The following DMD variants were observed in gnomAD, a reference collection of about 807,000 sequenced individuals.
The protein encoded by DMD is mutant dystrophin.
In DMD, 63 loss-of-function variants were observed where a neutral mutation model predicts 330.1. That is an observed-to-expected ratio of 0.19 (90% CI 0.16 to 0.24). The LOEUF (loss-of-function observed/expected upper bound fraction) is 0.24. DMD is among the 10% of genes least tolerant of loss of function. The pLI, the probability that DMD is intolerant of heterozygous loss-of-function variation, is 1.00. For missense variants in DMD, 3,344 were observed against 2,684.1 expected (o/e 1.25, Z -5.43); for synonymous variants, 1,223 against 959.8 (o/e 1.27, Z -5.07).
At chrX:31,556,304 T>C (rs1469379137) in intron 55 of DMD, among the ~76,000 whole-genome samples, 1 of 100,254 alleles carries the variant, frequency 1.0e-5, no homozygotes, top group Non-Finnish European at 2.0e-5. Context: ...GAGGTGGAGC[T>C]TGCAGTGAGC....
intron 55 of DMD, among the ~76,000 whole-genome samples, chrX:31,522,937 T>C (rs758137860): frequency 1.8e-5 from 2 of 111,682 alleles, no homozygotes; most frequent in East Asian, 5.7e-4. Context: ...CAGGCGTCTG[T>C]GTTCTTTGTG....
At position 32,232,371 on chromosome X, in the gene DMD, G is replaced by A. The variant is rs190490762; in HGVS notation, c.6291-15308C>T. Among the ~76,000 whole-genome samples the A allele has an allele frequency of 1.8e-3, 199 of 111,299 alleles. 1 individual carries two copies. The highest frequency in any genetic ancestry group is 9.2e-3 in the Middle Eastern group (2 of 217). Reference sequence around the variant, plus strand: ...CCCTTATTAGGAGTATGGCTGTAAGGCTAATTTTAGTTTGAATCTACTGAC... The same window carrying A: ...CCCTTATTAGGAGTATGGCTGTAAGACTAATTTTAGTTTGAATCTACTGAC... On this transcript the variant is annotated intron_variant, in intron 43 of 78. Transcript: ENST00000357033.
At chrX:32,483,173 TTTAA>T (rs1445278660) in intron 21 of DMD, among the ~76,000 whole-genome samples, 1 of 37,802 alleles carries the variant, frequency 2.6e-5, no homozygotes, top group East Asian at 1.1e-3. Flanking sequence ...ATACACCATA[TTTAA>T]TTAAAGGGTT....
chrX:32,594,113 TATC>T (rs747670500), intron 13 of DMD, among the ~76,000 whole-genome samples: 1 of 112,742 alleles, frequency 8.9e-6, no homozygotes, highest in Non-Finnish European at 1.9e-5. Flanking sequence ...AATCCTAAAA[TATC>T]ATCATAATAG....
intron 44 of DMD, among the ~76,000 whole-genome samples, chrX:32,106,491 T>C (rs950628962): frequency 1.8e-5 from 2 of 111,873 alleles, no homozygotes; most frequent in Admixed American, 9.5e-5. Context: ...TATGAAACAC[T>C]AGGATGAGCT....
chrX:32,556,998 C>G (rs1440189689), intron 16 of DMD, among the ~76,000 whole-genome samples: 1 of 111,622 alleles, frequency 9.0e-6, no homozygotes, highest in Non-Finnish European at 1.9e-5. Flanking sequence ...CCAGGCATTA[C>G]AATAAGTGTT....
intron 55 of DMD, among the ~76,000 whole-genome samples, chrX:31,586,042 T>C (rs2076588852): frequency 9.0e-6 from 1 of 111,609 alleles, no homozygotes. Flanking sequence ...CTACCCTATC[T>C]GTAACTGAAT....
chrX:31,388,867 A>G (rs2060575496), intron 60 of DMD, among the ~76,000 whole-genome samples: 1 of 112,392 alleles, frequency 8.9e-6, no homozygotes, highest in South Asian at 3.6e-4. Context: ...ACGCCACTGC[A>G]CTCCAGCCTG....
At chrX:32,442,736 AG>A (rs1324046669) in intron 27 of DMD, among the ~76,000 whole-genome samples, 1 of 110,989 alleles carries the variant, frequency 9.0e-6, no homozygotes, top group Non-Finnish European at 1.9e-5. Context: ...ATCAAAAAAA[AG>A]GAAATAATGT....
chrX:31,712,917 T>C (rs1226950096), intron 52 of DMD, among the ~76,000 whole-genome samples: 1 of 111,245 alleles, frequency 9.0e-6, no homozygotes, highest in Non-Finnish European at 1.9e-5. Flanking sequence ...TAATCAATAC[T>C]TCAATCTGAA....
intron 44 of DMD, among the ~76,000 whole-genome samples, chrX:32,114,774 T>C (rs1354069400): frequency 8.9e-6 from 1 of 112,504 alleles, no homozygotes; most frequent in African/African-American, 3.2e-5. Context: ...TAGCAATGGA[T>C]ACAACATAGT....
intron 9 of DMD, among the ~76,000 whole-genome samples, chrX:32,690,846 C>G (rs188144399): frequency 6.4e-4 from 71 of 111,221 alleles, no homozygotes; most frequent in South Asian, 2.2e-3. Flanking sequence ...CAACTCCAAA[C>G]GGATAAAATA....
In DMD at chrX:31,929,595, C is replaced by A. The variant is rs746082869; in HGVS notation, c.6912+1G>T. 1 of 1,210,642 alleles carries A rather than the reference C, an allele frequency of 8.3e-7. No individual in the cohort carries two copies. The highest frequency in any genetic ancestry group is 1.1e-6 in the Non-Finnish European group (1 of 894,996). ...GACGGAAGAGATGGTTAATGTCTAA[C>A]CTTTATCCACTGGAGATTTGTCTGC... is the stretch of plus-strand genomic sequence containing the variant. On this transcript the variant is annotated splice_donor_variant, in intron 47 of 78. Coordinates refer to ENST00000357033, the MANE Select transcript of DMD (RefSeq NM_004006.3). LOFTEE classifies it high-confidence loss of function.
intron 52 of DMD, among the ~76,000 whole-genome samples, chrX:31,715,032 G>T: frequency 9.0e-6 from 1 of 111,569 alleles, no homozygotes; most frequent in South Asian, 3.7e-4. Flanking sequence ...CACTTTATAT[G>T]TAACAGGTTA....
chrX:31,734,486 G>A (rs2086729603), intron 51 of DMD, among the ~76,000 whole-genome samples: 1 of 111,248 alleles, frequency 9.0e-6, no homozygotes, highest in African/African-American at 3.3e-5. Flanking sequence ...ATTGCTTTTA[G>A]TTGTCGTATC....
chrX:32,465,182 T>C (rs756869809), intron 23 of DMD, among the ~76,000 whole-genome samples: 6 of 112,123 alleles, frequency 5.4e-5, no homozygotes, highest in Non-Finnish European at 1.1e-4. Context: ...TATTTTGTCA[T>C]CTTCAAAGAC....
rs765083433 is a variant in DMD, at chrX:32,976,683, G to A, written c.93+43456C>T. On this transcript the variant is annotated intron_variant, in intron 2 of 78. Transcript: ENST00000357033. ...ACTCACCTGCATACGTCAGCATTTCGAGCTGTCTACTTCTGTGGTTTTAGG... is the reference window on the plus strand; with the variant it reads ...ACTCACCTGCATACGTCAGCATTTCAAGCTGTCTACTTCTGTGGTTTTAGG... Among the ~76,000 whole-genome samples, 11 of 111,214 alleles carry A rather than the reference G, an allele frequency of 9.9e-5. No homozygotes were observed. In the South Asian group the frequency reaches 3.4e-3, roughly 35 times the overall value.
At chrX:32,480,659 G>A (rs1296914161) in intron 21 of DMD, among the ~76,000 whole-genome samples, 1 of 107,115 alleles carries the variant, frequency 9.3e-6, no homozygotes, top group Non-Finnish European at 1.9e-5. Flanking sequence ...CACAACTTGT[G>A]TACATATACG....
At chrX:33,153,269 G>T (rs1441927699) in intron 1 of DMD, among the ~76,000 whole-genome samples, 1 of 112,303 alleles carries the variant, frequency 8.9e-6, no homozygotes, top group African/African-American at 3.2e-5. Context: ...AGTTAGCCGG[G>T]CATGGTAGTG....
Sources: gnomAD v4.1 joint callset for allele counts (sites outside exome capture counted in the v4.1 genomes callset) on GRCh38, gnomAD v4.1.1 for gene constraint, MANE v1.5 for transcripts, NCBI Gene and HGNC (gene_info 2026-07-23, HGNC 2026-07-21) for gene names.